ERCC6L2: variants seen among roughly 807,000 people sequenced by gnomAD.
The protein encoded by ERCC6L2 is ERCC excision repair 6 like 2.
A neutral mutation model predicts 132.0 loss-of-function variants in ERCC6L2; 77 were observed. The ratio of observed to expected loss-of-function variants is 0.58; its 90% confidence interval spans 0.49 to 0.71. The LOEUF (loss-of-function observed/expected upper bound fraction) is 0.71, where lower values mean the gene tolerates loss of function less well. Among genes scored for constraint, ERCC6L2 ranks in the 30% least tolerant of loss-of-function variants. The pLI is 0.00. For synonymous variants in ERCC6L2, 583 were observed against 632.4 expected (o/e 0.92, Z 1.17); for missense variants, 1,542 against 1,837.6 (o/e 0.84, Z 2.94).
In ERCC6L2 at chr9:95,915,793, A is replaced by G. The variant is rs1829555883; in HGVS notation, c.914A>G (p.Gln305Arg). 1.9e-6 allele frequency: 3 copies of G among 1,613,178 alleles called. No individual in the cohort carries two copies. The highest frequency in any genetic ancestry group is 2.5e-6 in the Non-Finnish European group (3 of 1,179,720). The change falls in exon 5 of 19, where the codon CAG becomes CGG. Residue 305 changes from glutamine (Q) to arginine (R), a missense_variant. Gln to Arg is a conservative substitution (Grantham distance 43, BLOSUM62 1). Transcript: ENST00000653738. ...ATTGGCCTCACTGGAACCATCCTTC[A>G]GAACAACATGAAGGAACTGTGGTGT... is the stretch of plus-strand genomic sequence containing the variant. ...VRIGLTGTILQNNMKELWCVM... is the reference protein window; with the variant it reads ...VRIGLTGTILRNNMKELWCVM...
In ERCC6L2 at chr9:96,016,020, T is replaced by A. The variant is rs999183408; in HGVS notation, c.*2817T>A. 2.0e-5 allele frequency among the ~76,000 whole-genome samples: 3 copies of A among 152,170 alleles called. No homozygotes were observed. Among genetic ancestry groups the A allele is most frequent in the Non-Finnish European group, 4.4e-5 (3 of 68,030 alleles). ...CCCTGCAATGGAGTGATGGAAAGAT[T>A]TGGTACAACCATTGATGACCTGAGA... is the stretch of plus-strand genomic sequence containing the variant. On this transcript the variant is annotated 3_prime_UTR_variant, in exon 19 of 19. Coordinates refer to ENST00000653738, the MANE Select transcript of ERCC6L2 (RefSeq NM_020207.7).
At chr9:95,904,648 CT>C (rs1828943015) in intron 3 of ERCC6L2, among the ~76,000 whole-genome samples, 1 of 152,064 alleles carries the variant, frequency 6.6e-6, no homozygotes, top group Admixed American at 6.6e-5. Flanking sequence ...TTCTAAAGGC[CT>C]TGGCACACAG....
At position 95,907,422 on chromosome 9, in the gene ERCC6L2, C is replaced by T. The variant is rs1052032831; in HGVS notation, c.788+151C>T. ...GTTTCGCCACGTTGCCCAGGCTGGT[C>T]TCGAACTCCTGAGCTCAGGCAATCC... On this transcript the variant is annotated intron_variant, in intron 4 of 18. Transcript: ENST00000653738. 2.4e-5 allele frequency: 14 copies of T among 585,854 alleles called. No homozygotes were observed. The African/African-American group carries it at 2.5e-4, about 10-fold the overall frequency. The allele number at this position is 585,854 out of a possible 1,614,324, so 36.3% of individuals were successfully genotyped here.
intron 4 of ERCC6L2, among the ~76,000 whole-genome samples, chr9:95,914,334 T>G (rs188916127): frequency 4.2e-4 from 64 of 152,278 alleles, no homozygotes; most frequent in African/African-American, 1.5e-3. Flanking sequence ...TTAATTGGGT[T>G]GTTTTAAATT....
intron 9 of ERCC6L2, among the ~76,000 whole-genome samples, chr9:95,927,171 T>C (rs567364205): frequency 3.3e-3 from 500 of 152,288 alleles, no homozygotes; most frequent in African/African-American, 0.011. Flanking sequence ...AGTAGAAGTT[T>C]TTTTTAACTC....
At chr9:95,893,809 C>A (rs1170635365) in intron 2 of ERCC6L2, among the ~76,000 whole-genome samples, 1 of 152,010 alleles carries the variant, frequency 6.6e-6, no homozygotes, top group Non-Finnish European at 1.5e-5. Context: ...TGAAAAAATT[C>A]TTTCAAAGGA....
At chr9:95,889,626 A>T (rs926607803) in intron 2 of ERCC6L2, among the ~76,000 whole-genome samples, 1 of 152,254 alleles carries the variant, frequency 6.6e-6, no homozygotes, top group African/African-American at 2.4e-5. Flanking sequence ...CAATTCCATT[A>T]CCCTAAAAAG....
chr9:96,022,389 G>T (rs1360956980), downstream of ERCC6L2, among the ~76,000 whole-genome samples: 1 of 152,214 alleles, frequency 6.6e-6, no homozygotes, highest in Non-Finnish European at 1.5e-5. Flanking sequence ...AGCCCGTATT[G>T]TGTGTCGTTT....
chr9:95,918,614 C>G, intron 6 of ERCC6L2: 1 of 294,054 alleles, frequency 3.4e-6, no homozygotes, highest in Non-Finnish European at 6.9e-6. Context: ...GGGCCTAGGA[C>G]TGGCTTCATG....
At chr9:95,983,838 G>A (rs1022259995) in intron 17 of ERCC6L2, among the ~76,000 whole-genome samples, 6 of 152,250 alleles carry the variant, frequency 3.9e-5, no homozygotes, top group East Asian at 1.9e-4. Flanking sequence ...CTCCCTACAG[G>A]CCCCAGGGCT....
chr9:96,012,623 A>C lies in ERCC6L2; in HGVS notation c.4073A>C (p.Lys1358Thr). 1 of 1,367,644 alleles carries C rather than the reference A, an allele frequency of 7.3e-7. No individual in the cohort carries two copies. The highest frequency in any genetic ancestry group is 9.8e-7 in the Non-Finnish European group (1 of 1,021,816). 84.7% of individuals were successfully genotyped at this position (1,367,644 alleles called of 1,614,324 possible). A position where few individuals can be genotyped will look rare whatever the true frequency, so the allele number is the denominator to read the frequency against. Reference sequence around the variant, plus strand: ...TTTTTTAATGATGCAGAAACTAAGAAATCACCTGTTAGTTCTACTCAAGAG... The same window carrying C: ...TTTTTTAATGATGCAGAAACTAAGACATCACCTGTTAGTTCTACTCAAGAG... ...EVFFNDAETKKSPVSSTQEID... is the reference protein window; with the variant it reads ...EVFFNDAETKTSPVSSTQEID... Residue 1358 changes from lysine to threonine, a missense_variant, in exon 19 of 19, where the codon AAA (lysine) becomes ACA (threonine). Transcript: ENST00000653738.
chr9:95,888,743 A>G (rs1048263472), intron 2 of ERCC6L2, among the ~76,000 whole-genome samples: 9 of 152,202 alleles, frequency 5.9e-5, no homozygotes, highest in African/African-American at 2.2e-4. Flanking sequence ...GGGTTCCGCC[A>G]GCAGAAATAA....
intron 18 of ERCC6L2, among the ~76,000 whole-genome samples, chr9:96,010,959 T>C (rs552809746): frequency 1.2e-4 from 19 of 152,258 alleles, no homozygotes; most frequent in Non-Finnish European, 2.6e-4. Flanking sequence ...TCTAAAACTT[T>C]AGGACTTTTA....
chr9:95,887,745 G>A (rs1414872632), intron 2 of ERCC6L2, among the ~76,000 whole-genome samples: 2 of 151,998 alleles, frequency 1.3e-5, no homozygotes, highest in Admixed American at 1.3e-4. Context: ...TACCTTTTTT[G>A]GATAATAAGA....
intron 19 of ERCC6L2, among the ~76,000 whole-genome samples, chr9:96,037,766 C>T (rs690575): frequency 0.68 from 103,053 of 151,888 alleles, 35,523 homozygotes; most frequent in East Asian, 0.85. Flanking sequence ...GAGAGATCAA[C>T]AACATTCTAG....
chr9:95,948,108 C>T (rs1037387783), intron 12 of ERCC6L2, among the ~76,000 whole-genome samples: 2 of 152,180 alleles, frequency 1.3e-5, no homozygotes, highest in African/African-American at 4.8e-5. Context: ...TCTGATGGAT[C>T]TGGTCAAAGT....
intron 19 of ERCC6L2, among the ~76,000 whole-genome samples, chr9:96,034,748 G>A (rs1161225819): frequency 1.3e-5 from 2 of 151,378 alleles, no homozygotes; most frequent in African/African-American, 4.9e-5. Context: ...CTGCAGCTGG[G>A]GACAGGGGCC....
At chr9:95,881,463 T>G (rs1214048427) in intron 2 of ERCC6L2, among the ~76,000 whole-genome samples, 170 bp downstream of exon 2, 2 of 152,196 alleles carry the variant, frequency 1.3e-5, no homozygotes, top group Non-Finnish European at 2.9e-5. Flanking sequence ...GAGGACAATG[T>G]CTCAGTTATT....
chr9:96,035,451 G>A (rs1834508687), intron 19 of ERCC6L2, among the ~76,000 whole-genome samples: 6 of 152,174 alleles, frequency 3.9e-5, no homozygotes, highest in Admixed American at 3.9e-4. Flanking sequence ...AATATGGCAG[G>A]GAGAGGTTAG....
Sources: gnomAD v4.1 joint callset for allele counts (sites outside exome capture counted in the v4.1 genomes callset) on GRCh38, gnomAD v4.1.1 for gene constraint, MANE v1.5 for transcripts, NCBI Gene and HGNC (gene_info 2026-07-23, HGNC 2026-07-21) for gene names.